The following MAP4 variants were observed in gnomAD, a reference collection of about 807,000 sequenced individuals.
The protein encoded by MAP4 is microtubule associated protein 4.
A neutral mutation model predicts 170.2 loss-of-function variants in MAP4; 76 were observed. The observed-to-expected ratio is 0.45, with a 90% CI of 0.37 to 0.54. The LOEUF is 0.54. MAP4 is among the 20% of genes least tolerant of loss of function. The pLI is 0.00. For missense variants in MAP4, 2,506 were observed against 2,748.0 expected, an observed-to-expected ratio of 0.91 and a Z score of 1.97; for synonymous variants, 909 against 994.5, an observed-to-expected ratio of 0.91 and a Z score of 1.62.
intron 2 of MAP4, among the ~76,000 whole-genome samples, chr3:47,984,480 A>G (rs2100087387): frequency 6.6e-6 from 1 of 152,206 alleles, no homozygotes; most frequent in East Asian, 1.9e-4. Flanking sequence ...ATACATACAT[A>G]GCCTCAAAAT....
chr3:47,900,188 T>C (rs115659497), intron 10 of MAP4, among the ~76,000 whole-genome samples: 17 of 152,314 alleles, frequency 1.1e-4, no homozygotes, highest in African/African-American at 4.1e-4. Flanking sequence ...TAATAAAAGA[T>C]AAAGTTGTCA....
intron 1 of MAP4, among the ~76,000 whole-genome samples, chr3:48,015,878 G>A (rs1197180901): frequency 6.6e-6 from 1 of 152,202 alleles, no homozygotes; most frequent in Non-Finnish European, 1.5e-5. Context: ...CAGACTTGCA[G>A]ATAGCAACAG....
chr3:47,944,293 G>C, intron 3 of MAP4, among the ~76,000 whole-genome samples: 1 of 152,162 alleles, frequency 6.6e-6, no homozygotes. Context: ...CTGGGCGAGA[G>C]AGCAAAACTC....
chr3:47,990,345 C>T (rs1211591957), intron 2 of MAP4, among the ~76,000 whole-genome samples: 3 of 152,136 alleles, frequency 2.0e-5, no homozygotes, highest in Non-Finnish European at 4.4e-5. Context: ...GTGTCTCCCA[C>T]CTGTAATCCC....
rs148992788 is a variant in MAP4, at chr3:47,915,629, G to C, written c.1876+322C>G. Among the ~76,000 whole-genome samples, 145 of 152,224 alleles carry C rather than the reference G, an allele frequency of 9.5e-4. 2 individuals carry two copies. In the East Asian group the frequency reaches 0.026, roughly 27 times the overall value. ...AGGAACAGTTTACTTATAAAAACGG[G>C]AACTTTCATAAGCAGAGACCATGGA... On this transcript the variant is annotated intron_variant, in intron 7 of 20. Coordinates refer to ENST00000683076, the MANE Select transcript of MAP4 (RefSeq NM_001385682.1).
intron 2 of MAP4, among the ~76,000 whole-genome samples, chr3:47,997,434 T>C (rs1488356208): frequency 1.4e-5 from 2 of 146,772 alleles, no homozygotes; most frequent in East Asian, 2.0e-4. Flanking sequence ...AAATACAACA[T>C]ATCAAAATCC....
At chr3:47,978,746 CTCT>C (rs2100083684) in intron 2 of MAP4, among the ~76,000 whole-genome samples, 2 of 150,066 alleles carry the variant, frequency 1.3e-5, no homozygotes, top group East Asian at 1.9e-4. Context: ...TTTTTTTTCC[CTCT>C]TTTTTTTTTT....
At chr3:47,941,603 C>A (rs1282168017) in intron 3 of MAP4, among the ~76,000 whole-genome samples, 1 of 149,192 alleles carries the variant, frequency 6.7e-6, no homozygotes, top group Non-Finnish European at 1.5e-5. Context: ...TAGTAAAACA[C>A]AGTCTCTACT....
At chr3:48,056,076 G>A (rs1353033374) in intron 1 of MAP4, among the ~76,000 whole-genome samples, 11 of 145,616 alleles carry the variant, frequency 7.6e-5, no homozygotes, top group African/African-American at 1.5e-4. Context: ...AGTGAGGAGC[G>A]TCTCCGCCCG....
intron 1 of MAP4, among the ~76,000 whole-genome samples, chr3:48,000,276 C>G (rs1041782634): frequency 6.8e-6 from 1 of 146,926 alleles, no homozygotes; most frequent in African/African-American, 2.5e-5. Context: ...AAATTGGGCA[C>G]CATTCAAATG....
intron 11 of MAP4, 125 bp from the exon 12 acceptor site, chr3:47,876,025 A>T: frequency 1.5e-6 from 1 of 666,820 alleles, no homozygotes. Context: ...ATAAGCAATG[A>T]GGATAGATGC....
At chr3:47,921,200 G>C (rs1191732218) in intron 5 of MAP4, among the ~76,000 whole-genome samples, 1 of 152,140 alleles carries the variant, frequency 6.6e-6, no homozygotes, top group Non-Finnish European at 1.5e-5. Context: ...TGTCTCCTTT[G>C]ATTAATCCAA....
chr3:47,888,436 C>A (rs142195078), intron 10 of MAP4, among the ~76,000 whole-genome samples: 2 of 152,192 alleles, frequency 1.3e-5, no homozygotes, highest in Middle Eastern at 3.4e-3. Context: ...CCAGTGAGAC[C>A]ACAAACCCAC....
At chr3:47,927,586 C>G (rs1226786722) in intron 4 of MAP4, among the ~76,000 whole-genome samples, 1 of 152,152 alleles carries the variant, frequency 6.6e-6, no homozygotes, top group Non-Finnish European at 1.5e-5. Flanking sequence ...AGCAATTCTC[C>G]TGCCTCAGCC....
intron 1 of MAP4, among the ~76,000 whole-genome samples, chr3:48,080,326 G>A (rs1473063431): frequency 6.6e-6 from 1 of 152,180 alleles, no homozygotes; most frequent in African/African-American, 2.4e-5. Flanking sequence ...TGAAACATTT[G>A]TCTAGATTAT....
intron 3 of MAP4, among the ~76,000 whole-genome samples, chr3:47,956,271 C>T (rs1168721688): frequency 6.6e-6 from 1 of 152,192 alleles, no homozygotes; most frequent in Non-Finnish European, 1.5e-5. Context: ...CTTCCTCTCC[C>T]TCAATCCAAG....
intron 17 of MAP4, among the ~76,000 whole-genome samples, chr3:47,862,131 AG>A (rs1397462163): frequency 7.1e-6 from 1 of 140,296 alleles, no homozygotes; most frequent in African/African-American, 2.7e-5. Context: ...ACTGCACTCC[AG>A]TCTGGGTGAC....
At chr3:48,008,329 G>A (rs918987554) in intron 1 of MAP4, among the ~76,000 whole-genome samples, 1 of 152,148 alleles carries the variant, frequency 6.6e-6, no homozygotes, top group Non-Finnish European at 1.5e-5. Context: ...CTTCACAGAC[G>A]GTTCTGCATC....
chr3:48,053,664 G>A (rs778458107), intron 1 of MAP4, among the ~76,000 whole-genome samples: 10 of 152,134 alleles, frequency 6.6e-5, no homozygotes, highest in Non-Finnish European at 1.5e-4. Flanking sequence ...TGAGATTCAT[G>A]TGAAAATGTA....
Sources: gnomAD v4.1 joint callset for allele counts (sites outside exome capture counted in the v4.1 genomes callset) on GRCh38, gnomAD v4.1.1 for gene constraint, MANE v1.5 for transcripts, NCBI Gene and HGNC (gene_info 2026-07-23, HGNC 2026-07-21) for gene names.